The following SDK1 variants were observed in gnomAD, a reference collection of about 807,000 sequenced individuals.
The protein encoded by SDK1 is sidekick cell adhesion molecule 1, also known as protein sidekick-1.
Under a neutral mutation model 245.5 loss-of-function variants are expected in SDK1, and 157 were observed. That is an observed-to-expected ratio of 0.64 (90% CI 0.56 to 0.73). The LOEUF (loss-of-function observed/expected upper bound fraction) is 0.73. Ranked by LOEUF, SDK1 falls within the 30% of genes least tolerant of loss-of-function variation. SDK1 has a pLI of 0.00. For missense variants in SDK1, 3,583 were observed against 3,002.3 expected, an observed-to-expected ratio of 1.19 and a Z score of -4.52; for synonymous variants, 1,647 against 1,278.5, an observed-to-expected ratio of 1.29 and a Z score of -6.15.
At chr7:4,156,553 G>A (rs911739196) in intron 30 of SDK1, among the ~76,000 whole-genome samples, 1 of 152,202 alleles carries the variant, frequency 6.6e-6, no homozygotes, top group Non-Finnish European at 1.5e-5. Context: ...GGGCTGCAGT[G>A]GAAAAGCAGG....
intron 40 of SDK1, 146 bp downstream of exon 40, chr7:4,221,510 C>T: frequency 3.1e-6 from 3 of 969,962 alleles, no homozygotes; most frequent in Non-Finnish European, 4.5e-6. Context: ...TGAAAGAAGA[C>T]ATCCATGGCT....
chr7:3,645,531 T>C (rs979776582), intron 4 of SDK1, among the ~76,000 whole-genome samples: 2 of 152,206 alleles, frequency 1.3e-5, no homozygotes, highest in Admixed American at 6.5e-5. Flanking sequence ...TGATTTGATC[T>C]TTACAAATTA....
At chr7:4,211,777 CTTTTTGTAT>C (rs1784527400) in intron 38 of SDK1, among the ~76,000 whole-genome samples, 1 of 151,988 alleles carries the variant, frequency 6.6e-6, no homozygotes, top group Non-Finnish European at 1.5e-5. Flanking sequence ...GCCCAGCTAA[CTTTTTGTAT>C]TTTTAGTAGA....
chr7:3,527,699 TG>T (rs1315636718), intron 1 of SDK1, among the ~76,000 whole-genome samples: 1 of 145,512 alleles, frequency 6.9e-6, no homozygotes, highest in African/African-American at 2.6e-5. Flanking sequence ...GAGGTGAGGC[TG>T]GATGATAGCC....
intron 5 of SDK1, among the ~76,000 whole-genome samples, chr7:3,834,269 T>C (rs1247211183): frequency 2.0e-5 from 3 of 152,216 alleles, no homozygotes; most frequent in Non-Finnish European, 2.9e-5. Context: ...CTGATACTTA[T>C]CAGGCATTAC....
chr7:3,789,581 T>TA (rs1471020987), intron 4 of SDK1, among the ~76,000 whole-genome samples: 1 of 152,190 alleles, frequency 6.6e-6, no homozygotes, highest in Non-Finnish European at 1.5e-5. Context: ...CTTTGGGAAT[T>TA]AAAAAAGAAA....
chr7:4,111,516 A>G (rs1783343876), intron 23 of SDK1, among the ~76,000 whole-genome samples: 1 of 150,750 alleles, frequency 6.6e-6, no homozygotes, highest in Non-Finnish European at 1.5e-5. Flanking sequence ...GCACAAAACC[A>G]AAGTTAGAGT....
intron 1 of SDK1, among the ~76,000 whole-genome samples, chr7:3,540,535 C>G (rs1394812572): frequency 6.7e-6 from 1 of 149,582 alleles, no homozygotes; most frequent in Non-Finnish European, 1.5e-5. Context: ...GACTCTGAAT[C>G]TAAGAAGAAG....
chr7:3,825,940 A>G (rs1393065365), intron 5 of SDK1, among the ~76,000 whole-genome samples: 1 of 152,254 alleles, frequency 6.6e-6, no homozygotes, highest in Admixed American at 6.5e-5. Flanking sequence ...CCCACATCAC[A>G]AATGAGCAAT....
chr7:4,235,370 G>A (rs1183299480), intron 41 of SDK1, among the ~76,000 whole-genome samples: 1 of 152,142 alleles, frequency 6.6e-6, no homozygotes, highest in Non-Finnish European at 1.5e-5. Context: ...CACCCTGTTG[G>A]CCAGGCTGGT....
At chr7:4,172,677 C>G (rs981108988) in intron 32 of SDK1, among the ~76,000 whole-genome samples, 1 of 152,166 alleles carries the variant, frequency 6.6e-6, no homozygotes, top group Admixed American at 6.5e-5. Context: ...GGCCAAAAGT[C>G]CAAACTCAAG....
chr7:3,327,665 A>T (rs1427081828), intron 1 of SDK1, among the ~76,000 whole-genome samples: 2 of 152,168 alleles, frequency 1.3e-5, no homozygotes, highest in Non-Finnish European at 2.9e-5. Flanking sequence ...TAAAAAAAAA[A>T]TCCTGACAGC....
Position 4,216,816 on chromosome 7 carries a change from C to T in SDK1, c.5540-3293C>T, listed in dbSNP as rs113858213. Among the ~76,000 whole-genome samples, 1,298 of 152,262 alleles carry T rather than the reference C, an allele frequency of 8.5e-3. 14 individuals carry two copies. The highest frequency in any genetic ancestry group is 0.029 in the African/African-American group (1,219 of 41,544). On this transcript the variant is annotated intron_variant, in intron 38 of 44. Coordinates refer to ENST00000404826, the MANE Select transcript of SDK1 (RefSeq NM_152744.4). The stretch of plus-strand genomic sequence containing the variant: ...AGGCAAATAGAGGGTACAGCATTTA[C>T]CCGGTATGGGCAGCTCCTCTAGTCA...
At position 3,672,478 on chromosome 7, in the gene SDK1, C is replaced by T. The variant is rs10233791; in HGVS notation, c.713+30373C>T. 1.8e-3 allele frequency among the ~76,000 whole-genome samples: 270 copies of T among 150,454 alleles called. 1 individual carries two copies. Among genetic ancestry groups the T allele is most frequent in the African/African-American group, 5.9e-3 (241 of 40,856 alleles). On this transcript the variant is annotated intron_variant, in intron 4 of 44. Transcript: ENST00000404826. ...CATTAGCCAAAAGAGATAGGACATA[C>T]AGGCAAAGAAGAAAGATGAGCTGGA...
chr7:3,421,623 G>C (rs1779538428), intron 1 of SDK1, among the ~76,000 whole-genome samples: 1 of 152,282 alleles, frequency 6.6e-6, no homozygotes, highest in South Asian at 2.1e-4. Context: ...GTGGAGAATG[G>C]ACATTTTCTA....
At chr7:3,909,546 G>A (rs2128108191) in intron 5 of SDK1, among the ~76,000 whole-genome samples, 1 of 152,298 alleles carries the variant, frequency 6.6e-6, no homozygotes, top group Admixed American at 6.5e-5. Context: ...GTAAGCTCGG[G>A]AAAAGGGGAC....
At chr7:3,352,174 G>A (rs1037574865) in intron 1 of SDK1, among the ~76,000 whole-genome samples, 1 of 149,538 alleles carries the variant, frequency 6.7e-6, no homozygotes, top group Non-Finnish European at 1.5e-5. Context: ...CATTTAAAAA[G>A]TTTTACAAAA....
intron 1 of SDK1, among the ~76,000 whole-genome samples, chr7:3,595,066 GAGTTCCAA>G (rs1319941185): frequency 6.6e-6 from 1 of 152,132 alleles, no homozygotes; most frequent in East Asian, 1.9e-4. Flanking sequence ...CCACCACAGT[GAGTTCCAA>G]TTTGATTTCA....
At chr7:3,528,413 A>G (rs1305818767) in intron 1 of SDK1, among the ~76,000 whole-genome samples, 1 of 151,978 alleles carries the variant, frequency 6.6e-6, no homozygotes, top group East Asian at 1.9e-4. Flanking sequence ...GAAAGGTAGC[A>G]GAAGTGATCC....
Sources: gnomAD v4.1 joint callset for allele counts (sites outside exome capture counted in the v4.1 genomes callset) on GRCh38, gnomAD v4.1.1 for gene constraint, MANE v1.5 for transcripts, NCBI Gene and HGNC (gene_info 2026-07-23, HGNC 2026-07-21) for gene names.